The following DST variants were observed in gnomAD, a reference collection of about 807,000 sequenced individuals.
The protein encoded by DST is dystonin.
Under a neutral mutation model 875.2 loss-of-function variants are expected in DST, and 253 were observed. The observed-to-expected ratio is 0.29, with a 90% CI of 0.26 to 0.32. The LOEUF (loss-of-function observed/expected upper bound fraction) is 0.32, where lower values mean the gene tolerates loss of function less well. Among genes scored for constraint, DST ranks in the 10% least tolerant of loss-of-function variants. DST has a pLI of 1.00. For synonymous variants in DST, 3,124 were observed against 3,197.1 expected, an observed-to-expected ratio of 0.98 and a Z score of 0.77; for missense variants, 8,287 against 9,111.6, an observed-to-expected ratio of 0.91 and a Z score of 3.68.
Position 56,702,402 on chromosome 6 carries a change from CAT to C in DST, c.877-439_877-438del, listed in dbSNP as rs760512511. 4.0e-3 allele frequency among the ~76,000 whole-genome samples: 610 copies of C among 150,836 alleles called. 2 individuals are homozygous for C. Among genetic ancestry groups the C allele is most frequent in the African/African-American group, 0.011 (469 of 41,062 alleles). On this transcript the variant is annotated intron_variant, in intron 7 of 103. Coordinates refer to ENST00000680361, the MANE Select transcript of DST (RefSeq NM_001374736.1). ...ATATACACACACACACACACACACA[CAT>C]ATATATATACATATGGCATATTAAT...
At chr6:56,843,689 G>A (rs1040851191) in intron 4 of DST, 12 of 978,636 alleles carry the variant, frequency 1.2e-5, no homozygotes, top group Non-Finnish European at 1.5e-5. Context: ...CGCCCGCGCC[G>A]GGGAGAGAGG....
At chr6:56,463,930 G>A (rs781041992) in intron 100 of DST, 166 bp from the exon 101 acceptor site, 4 of 777,598 alleles carry the variant, frequency 5.1e-6, no homozygotes, top group South Asian at 4.2e-5. Flanking sequence ...AAAGTTAAAT[G>A]CATTCCTTTA....
intron 4 of DST, among the ~76,000 whole-genome samples, chr6:56,817,088 A>AACACAC (rs55717102): frequency 1.1e-4 from 17 of 149,250 alleles, no homozygotes; most frequent in Admixed American, 3.4e-4. Flanking sequence ...AAGCCACTTA[A>AACACAC]ACACACACAC....
chr6:56,880,838 T>A (rs2127634905), intron 3 of DST, among the ~76,000 whole-genome samples: 5 of 3,682 alleles, frequency 1.4e-3, no homozygotes, highest in East Asian at 0.024. Context: ...ACTGTCTTTC[T>A]TTTTTTTTTT....
chr6:56,612,870 A>T (rs556239665), intron 37 of DST, among the ~76,000 whole-genome samples: 40 of 152,142 alleles, frequency 2.6e-4, no homozygotes, highest in East Asian at 9.6e-4. Flanking sequence ...CTACAAAAAA[A>T]TTTTTTTTAA....
chr6:56,862,581 A>C (rs1771779642), intron 3 of DST, among the ~76,000 whole-genome samples: 2 of 152,088 alleles, frequency 1.3e-5, no homozygotes, highest in Non-Finnish European at 2.9e-5. Flanking sequence ...ATCCAGTAGG[A>C]GCTGGATTGT....
In DST at chr6:56,530,102, C is replaced by T. The variant is rs1225545020; in HGVS notation, c.17140G>A (p.Ala5714Thr). The T allele has an allele frequency of 1.9e-6, 3 of 1,608,448 alleles. No homozygotes were observed. The highest frequency in any genetic ancestry group is 2.5e-6 in the Non-Finnish European group (3 of 1,177,818). ...TCTAAGGTTTCATGAAATTGCTGTG[C>T]TACCACCGAGATACCTTCCAACTGA... ...NRQLEGISVV[A>T]QQFHETLEPL... Residue 5714 changes from alanine to threonine, a missense_variant, in exon 65 of 104, where the codon GCA becomes ACA. Physicochemically the swap from Ala to Thr is moderately conservative, Grantham distance 58. Transcript: ENST00000680361.
At chr6:56,634,109 T>C in intron 27 of DST, 23 bp downstream of exon 27, 1 of 1,612,246 alleles carries the variant, frequency 6.2e-7, no homozygotes, top group African/African-American at 1.3e-5. Flanking sequence ...ACATATCGAG[T>C]TGACATACAG....
chr6:56,790,033 G>C (rs1409396639), intron 4 of DST, among the ~76,000 whole-genome samples: 1 of 152,144 alleles, frequency 6.6e-6, no homozygotes, highest in East Asian at 1.9e-4. Context: ...GTAAAGTGAA[G>C]CTCAAAGAGG....
intron 9 of DST, among the ~76,000 whole-genome samples, chr6:56,681,845 T>C (rs540857436): frequency 6.6e-6 from 1 of 152,294 alleles, no homozygotes; most frequent in East Asian, 1.9e-4. Flanking sequence ...CTTTATCATA[T>C]ATTTCAAGGT....
In DST at chr6:56,591,672, G is replaced by A. The variant is rs370934336; in HGVS notation, c.12903+510C>T. Among the ~76,000 whole-genome samples, 14 of 152,242 alleles carry A rather than the reference G, an allele frequency of 9.2e-5. No individual in the cohort carries two copies. In the East Asian group the frequency reaches 1.9e-3, roughly 21 times the overall value. On this transcript the variant is annotated intron_variant, in intron 49 of 103. Coordinates refer to ENST00000680361, the MANE Select transcript of DST (RefSeq NM_001374736.1). ...AAGCCATAACAGCAATGTCAAACCT[G>A]TTAAGAAAACATCAGGAAGGCTGGG...
At chr6:56,766,062 C>A (rs1372425697) in intron 4 of DST, among the ~76,000 whole-genome samples, 2 of 152,162 alleles carry the variant, frequency 1.3e-5, no homozygotes, top group African/African-American at 4.8e-5. Context: ...GGGACCAAAA[C>A]CCAATCCATC....
At chr6:56,620,434 A>C in intron 36 of DST, 1 of 1,614,112 alleles carries the variant, frequency 6.2e-7, no homozygotes, top group Non-Finnish European at 8.5e-7. Context: ...CAATGGTTTC[A>C]AGTTCCCTGC....
chr6:56,610,318 C>T (rs1181441792), intron 39 of DST, 109 bp downstream of exon 39: 2 of 813,882 alleles, frequency 2.5e-6, no homozygotes, highest in East Asian at 5.9e-5. Flanking sequence ...CCTATTTTAA[C>T]TACGTACAAA....
chr6:56,816,812 G>A (rs1220429011), intron 4 of DST, among the ~76,000 whole-genome samples: 2 of 145,450 alleles, frequency 1.4e-5, no homozygotes, highest in African/African-American at 2.6e-5. Flanking sequence ...TTTTAAATAG[G>A]CTGATTTTTT....
intron 2 of DST, among the ~76,000 whole-genome samples, chr6:56,950,338 T>C (rs1821713418): frequency 6.6e-6 from 1 of 152,184 alleles, no homozygotes; most frequent in Non-Finnish European, 1.5e-5. Flanking sequence ...TCACTCTGGA[T>C]ATTCTCAAAG....
At chr6:56,577,364 T>C (rs996601173) in intron 50 of DST, among the ~76,000 whole-genome samples, 3 of 152,314 alleles carry the variant, frequency 2.0e-5, no homozygotes, top group East Asian at 1.9e-4. Flanking sequence ...AGATGCTGCA[T>C]TGGGACAGAG....
At position 56,610,420 on chromosome 6, in the gene DST, A is replaced by C; in HGVS notation, c.5283+7T>G. The C allele has an allele frequency of 6.5e-7, 1 of 1,540,622 alleles. No homozygotes were observed. Among genetic ancestry groups the C allele is most frequent in the Non-Finnish European group, 8.7e-7 (1 of 1,143,426 alleles). On this transcript the variant is annotated splice_region_variant and intron_variant, in intron 39 of 103. Transcript: ENST00000680361. Reference sequence around the variant, plus strand: ...AAACAGCCTCATGTTTAAATAAATAATATTACCTTCTCCTCTACCTTTACA... The same window carrying C: ...AAACAGCCTCATGTTTAAATAAATACTATTACCTTCTCCTCTACCTTTACA...
chr6:56,704,261 TAAGA>T lies in DST; in HGVS notation c.777+15_777+18del. On this transcript the variant is annotated intron_variant, in intron 6 of 103. Transcript: ENST00000680361. Reference sequence around the variant, plus strand: ...AGATTACACGTTCTTCAAAATAAAATAAGAAAGTTAAAACTTACCAAGGTATCTC... The same window carrying T: ...AGATTACACGTTCTTCAAAATAAAATAAGTTAAAACTTACCAAGGTATCTC... The T allele has an allele frequency of 1.6e-6, 2 of 1,289,886 alleles. No homozygotes were observed. The highest frequency in any genetic ancestry group is 2.2e-6 in the Non-Finnish European group (2 of 923,054). 79.9% of individuals were successfully genotyped at this position (1,289,886 alleles called of 1,614,324 possible).
Sources: gnomAD v4.1 joint callset for allele counts (sites outside exome capture counted in the v4.1 genomes callset) on GRCh38, gnomAD v4.1.1 for gene constraint, MANE v1.5 for transcripts, NCBI Gene and HGNC (gene_info 2026-07-23, HGNC 2026-07-21) for gene names.